L3MBTL4: variants seen among roughly 807,000 people sequenced by gnomAD.
L3MBTL4 encodes the protein lethal(3)malignant brain tumor-like protein 4.
Under a neutral mutation model 84.5 loss-of-function variants are expected in L3MBTL4, and 70 were observed. The observed-to-expected ratio is 0.83, with a 90% CI of 0.68 to 1.01. The LOEUF is 1.01. Among genes scored for constraint, L3MBTL4 ranks in the 50% least tolerant of loss-of-function variants. The probability of loss-of-function intolerance (pLI) is 0.00; values close to 1 mark genes in which losing one functional copy is unlikely to be tolerated. For missense variants in L3MBTL4, 715 were observed against 754.8 expected (o/e 0.95, Z 0.62); for synonymous variants, 274 against 259.8 (o/e 1.05, Z -0.52).
At chr18:6,142,638 A>G (rs1351476181) in intron 13 of L3MBTL4, among the ~76,000 whole-genome samples, 2 of 152,214 alleles carry the variant, frequency 1.3e-5, no homozygotes, top group East Asian at 1.9e-4. Context: ...AACTGTAAAC[A>G]GGATAGGCAT....
intron 3 of L3MBTL4, among the ~76,000 whole-genome samples, chr18:6,311,012 G>A (rs973356433): frequency 1.3e-5 from 2 of 152,138 alleles, no homozygotes; most frequent in African/African-American, 2.4e-5. Context: ...ACTCAAGACT[G>A]CAGCACCAAC....
intron 13 of L3MBTL4, among the ~76,000 whole-genome samples, chr18:6,144,411 C>A (rs1324106465): frequency 6.6e-6 from 1 of 152,146 alleles, no homozygotes; most frequent in African/African-American, 2.4e-5. Context: ...TCTAAGAAAT[C>A]TTTTACTCAG....
chr18:6,159,623 G>A (rs559942877), intron 13 of L3MBTL4, among the ~76,000 whole-genome samples: 35 of 152,298 alleles, frequency 2.3e-4, no homozygotes, highest in African/African-American at 6.3e-4. Context: ...TTAATCTGAC[G>A]CGATGGTCCC....
At chr18:6,240,203 TAG>T (rs2047395988) in intron 8 of L3MBTL4, among the ~76,000 whole-genome samples, 1 of 152,132 alleles carries the variant, frequency 6.6e-6, no homozygotes, top group Non-Finnish European at 1.5e-5. Flanking sequence ...CTGAACACAA[TAG>T]TATCAAATAA....
At chr18:6,073,864 TA>T (rs146853369) in intron 16 of L3MBTL4, among the ~76,000 whole-genome samples, 2,777 of 151,872 alleles carry the variant, frequency 0.018, 70 homozygotes, top group African/African-American at 0.054. Context: ...GTTTCTTTGT[TA>T]AAAAAAAACT....
At chr18:6,032,600 T>C (rs1366997789) in intron 16 of L3MBTL4, among the ~76,000 whole-genome samples, 1 of 152,078 alleles carries the variant, frequency 6.6e-6, no homozygotes, top group African/African-American at 2.4e-5. Flanking sequence ...AAGTATATAG[T>C]TCAGTGGTAT....
intron 13 of L3MBTL4, among the ~76,000 whole-genome samples, chr18:6,152,774 G>A (rs1348153296): frequency 6.6e-6 from 1 of 151,924 alleles, no homozygotes; most frequent in Non-Finnish European, 1.5e-5. Flanking sequence ...GTTTATTTTT[G>A]CTTTTGTTGT....
intron 1 of L3MBTL4, among the ~76,000 whole-genome samples, chr18:6,347,469 C>G (rs1351639052): frequency 6.6e-6 from 1 of 151,322 alleles, no homozygotes; most frequent in East Asian, 1.9e-4. Flanking sequence ...ATTCTCCAAA[C>G]TCATCAAGAT....
intron 18 of L3MBTL4, among the ~76,000 whole-genome samples, chr18:5,959,052 G>A (rs2095248925): frequency 1.3e-5 from 2 of 152,194 alleles, no homozygotes; most frequent in African/African-American, 4.8e-5. Context: ...CCCAGACTGA[G>A]GCTATCTGAC....
rs534054017 is a variant in L3MBTL4 at position 6,379,943 on chromosome 18, G to T, written c.-91+34858C>A. Reference sequence around the variant, plus strand: ...TAGAATTCAGCTGTGAATCCGTCTGGTCCTGGACTTTTTTTGGTTGGTAGG... The same window carrying T: ...TAGAATTCAGCTGTGAATCCGTCTGTTCCTGGACTTTTTTTGGTTGGTAGG... On this transcript the variant is annotated intron_variant, in intron 1 of 18. Coordinates refer to ENST00000317931, the MANE Select transcript of L3MBTL4 (RefSeq NM_001330559.2). 2.4e-3 allele frequency among the ~76,000 whole-genome samples: 372 copies of T among 152,182 alleles called. 8 individuals carry two copies. The highest frequency in any genetic ancestry group is 8.5e-3 in the African/African-American group (353 of 41,512).
intron 16 of L3MBTL4, chr18:6,017,948 C>G (rs984876186): frequency 2.0e-5 from 3 of 152,074 alleles, no homozygotes; most frequent in African/African-American, 7.3e-5. Context: ...GACTGGACAG[C>G]TTACAAAAAA....
chr18:6,390,765 A>C (rs1323609282), intron 1 of L3MBTL4, among the ~76,000 whole-genome samples: 2 of 152,212 alleles, frequency 1.3e-5, no homozygotes, highest in South Asian at 2.1e-4. Context: ...CGACCTTCCT[A>C]GATTAAATCA....
At chr18:6,032,395 C>CACAT in intron 16 of L3MBTL4, 1 of 606,798 alleles carries the variant, frequency 1.6e-6, no homozygotes, top group Non-Finnish European at 2.1e-6. Context: ...TACACACACA[C>CACAT]ACACACACAC....
chr18:6,006,751 A>G (rs1323083529), intron 16 of L3MBTL4, among the ~76,000 whole-genome samples: 1 of 152,246 alleles, frequency 6.6e-6, no homozygotes, highest in Non-Finnish European at 1.5e-5. Flanking sequence ...GCACAAGTAC[A>G]TAGACAGACC....
At position 6,182,077 on chromosome 18, in the gene L3MBTL4, T is replaced by C. The variant is rs1481100165; in HGVS notation, c.982-10135A>G. 2.0e-5 allele frequency among the ~76,000 whole-genome samples: 3 copies of C among 152,230 alleles called. No individual in the cohort carries two copies. The East Asian group carries it at 5.8e-4, about 29-fold the overall frequency. Reference sequence around the variant, plus strand: ...CGAGTTCTTTGAGAAATTGCTACACTGCTTTCTACAATAATTGAACTAATT... The same window carrying C: ...CGAGTTCTTTGAGAAATTGCTACACCGCTTTCTACAATAATTGAACTAATT... On this transcript the variant is annotated intron_variant, in intron 12 of 18. Transcript: ENST00000317931.
intron 1 of L3MBTL4, among the ~76,000 whole-genome samples, chr18:6,354,231 T>C (rs2053331911): frequency 6.6e-6 from 1 of 152,172 alleles, no homozygotes; most frequent in East Asian, 1.9e-4. Flanking sequence ...GATATCCATA[T>C]GCAGAAGAAT....
intron 14 of L3MBTL4, among the ~76,000 whole-genome samples, chr18:6,106,529 T>C (rs568081580): frequency 4.6e-5 from 7 of 152,322 alleles, no homozygotes; most frequent in African/African-American, 1.7e-4. Context: ...GGATGAACTG[T>C]AATGTGGAGA....
intron 17 of L3MBTL4, among the ~76,000 whole-genome samples, chr18:5,963,906 G>T (rs7228867): frequency 5.9e-5 from 9 of 152,064 alleles, no homozygotes; most frequent in Non-Finnish European, 1.3e-4. Flanking sequence ...CTGCAGAAGA[G>T]GAAACGACCA....
At chr18:6,152,589 T>C (rs921645692) in intron 13 of L3MBTL4, among the ~76,000 whole-genome samples, 1 of 152,224 alleles carries the variant, frequency 6.6e-6, no homozygotes, top group Non-Finnish European at 1.5e-5. Flanking sequence ...TTTAATTATT[T>C]AATCAGATTT....
Sources: allele counts gnomAD v4.1 joint callset (sites outside exome capture counted in the v4.1 genomes callset), GRCh38; gene constraint gnomAD v4.1.1; transcripts MANE v1.5; gene names NCBI Gene and HGNC (gene_info 2026-07-23, HGNC 2026-07-21).